ZMAT4: variants seen among roughly 807,000 people sequenced by gnomAD.
The protein encoded by ZMAT4 is zinc finger matrin-type protein 4.
Under a neutral mutation model 28.7 loss-of-function variants are expected in ZMAT4, and 17 were observed. The observed-to-expected ratio is 0.59, with a 90% CI of 0.41 to 0.89. ZMAT4 has a LOEUF of 0.89. Ranked by LOEUF, ZMAT4 falls within the 40% of genes least tolerant of loss-of-function variation. The pLI, the probability that ZMAT4 is intolerant of heterozygous loss-of-function variation, is 0.00. For synonymous variants in ZMAT4, 117 were observed against 109.2 expected, an observed-to-expected ratio of 1.07 and a Z score of -0.44; for missense variants, 240 against 283.8, an observed-to-expected ratio of 0.85 and a Z score of 1.11.
chr8:40,891,013 T>C (rs993297873), intron 1 of ZMAT4, among the ~76,000 whole-genome samples: 1 of 151,386 alleles, frequency 6.6e-6, no homozygotes, highest in Admixed American at 6.6e-5. Flanking sequence ...CACCTGACTA[T>C]ATTCCAGTAA....
intron 1 of ZMAT4, among the ~76,000 whole-genome samples, chr8:40,875,511 C>A (rs1489885525): frequency 6.6e-6 from 1 of 152,156 alleles, no homozygotes; most frequent in African/African-American, 2.4e-5. Context: ...CCCCTACCAT[C>A]TTGGCAACAA....
chr8:40,801,191 T>C (rs184190311), intron 2 of ZMAT4, among the ~76,000 whole-genome samples: 22 of 151,570 alleles, frequency 1.5e-4, no homozygotes, highest in African/African-American at 5.1e-4. Flanking sequence ...ATAATGTTAA[T>C]AGGCCTATAT....
At chr8:40,730,345 A>G (rs1486202640) in intron 3 of ZMAT4, among the ~76,000 whole-genome samples, 4 of 152,248 alleles carry the variant, frequency 2.6e-5, no homozygotes, top group Non-Finnish European at 4.4e-5. Context: ...AAAATACATA[A>G]CAGGAAAACT....
In ZMAT4 at chr8:40,614,198, T is replaced by C. The variant is rs573475022; in HGVS notation, c.578-32937A>G. 3.3e-5 allele frequency among the ~76,000 whole-genome samples: 5 copies of C among 152,360 alleles called. No individual in the cohort carries two copies. In the East Asian group the frequency reaches 5.8e-4, roughly 18 times the overall value. ...CCTTGCAAAGGAAGTGTCAGCATTT[T>C]AATCTTTGCCTCAAGCTCTCTTTTC... On this transcript the variant is annotated intron_variant, in intron 5 of 6. Coordinates refer to ENST00000297737, the MANE Select transcript of ZMAT4 (RefSeq NM_024645.3).
intron 5 of ZMAT4, among the ~76,000 whole-genome samples, chr8:40,620,558 A>G (rs2118689218): frequency 6.6e-6 from 1 of 152,328 alleles, no homozygotes; most frequent in East Asian, 1.9e-4. Flanking sequence ...AAGAGAGACC[A>G]TTGTCAGATT....
intron 3 of ZMAT4, among the ~76,000 whole-genome samples, chr8:40,733,703 G>A (rs1811640096): frequency 6.6e-6 from 1 of 152,148 alleles, no homozygotes; most frequent in Non-Finnish European, 1.5e-5. Flanking sequence ...AACTATTATA[G>A]GTGGGATCCA....
intron 1 of ZMAT4, among the ~76,000 whole-genome samples, chr8:40,858,141 T>C (rs1817361593): frequency 6.6e-6 from 1 of 152,186 alleles, no homozygotes; most frequent in African/African-American, 2.4e-5. Flanking sequence ...TCGTATGCTT[T>C]AAAATAGACC....
At chr8:40,836,724 G>T (rs558224277) in intron 1 of ZMAT4, among the ~76,000 whole-genome samples, 2 of 152,332 alleles carry the variant, frequency 1.3e-5, no homozygotes, top group Admixed American at 6.5e-5. Flanking sequence ...GTTTGGCAGA[G>T]AAATGAGGAC....
intron 1 of ZMAT4, among the ~76,000 whole-genome samples, chr8:40,890,195 G>C (rs907989733): frequency 6.6e-6 from 1 of 151,954 alleles, no homozygotes; most frequent in Non-Finnish European, 1.5e-5. Flanking sequence ...AACACTTTTT[G>C]AAAAAGAGAA....
At chr8:40,825,784 T>C (rs1816013671) in intron 1 of ZMAT4, 104 bp from the exon 2 acceptor site, 3 of 847,114 alleles carry the variant, frequency 3.5e-6, no homozygotes, top group East Asian at 5.5e-5. Flanking sequence ...GGTCTGACAA[T>C]GGTGACAGAG....
chr8:40,740,902 T>G (rs961412234), intron 3 of ZMAT4, among the ~76,000 whole-genome samples: 8 of 152,154 alleles, frequency 5.3e-5, no homozygotes, highest in African/African-American at 1.9e-4. Context: ...CCCTCTAATC[T>G]ACTTTATACA....
At chr8:40,668,841 A>T (rs936361665) in intron 5 of ZMAT4, among the ~76,000 whole-genome samples, 3 of 151,396 alleles carry the variant, frequency 2.0e-5, no homozygotes, top group African/African-American at 7.3e-5. Context: ...CCCTGAAATT[A>T]GGAAGTACCT....
At chr8:40,570,364 A>G (rs1804056295) in intron 6 of ZMAT4, among the ~76,000 whole-genome samples, 1 of 152,168 alleles carries the variant, frequency 6.6e-6, no homozygotes, top group Non-Finnish European at 1.5e-5. Context: ...AAATCTGTGC[A>G]TAGCACTGTA....
At chr8:40,791,017 G>A (rs189483940) in intron 2 of ZMAT4, among the ~76,000 whole-genome samples, 29 of 152,250 alleles carry the variant, frequency 1.9e-4, no homozygotes, top group Admixed American at 3.9e-4. Context: ...AAGAAGCAAA[G>A]GTAATTCAAT....
chr8:40,697,678 T>G (rs1182373522), intron 3 of ZMAT4, among the ~76,000 whole-genome samples: 1 of 152,078 alleles, frequency 6.6e-6, no homozygotes, highest in Non-Finnish European at 1.5e-5. Context: ...TCATCTACAT[T>G]AGGTATTTCT....
intron 3 of ZMAT4, among the ~76,000 whole-genome samples, chr8:40,699,629 T>C (rs543772847): frequency 2.4e-5 from 3 of 126,826 alleles, no homozygotes; most frequent in African/African-American, 8.4e-5. Flanking sequence ...CACCATGGAA[T>C]ACTACTCAGC....
At chr8:40,708,869 G>A (rs1364932707) in intron 3 of ZMAT4, among the ~76,000 whole-genome samples, 1 of 151,140 alleles carries the variant, frequency 6.6e-6, no homozygotes, top group Admixed American at 6.6e-5. Flanking sequence ...GGCTAGTCTC[G>A]AGCCCTCAAC....
intron 5 of ZMAT4, among the ~76,000 whole-genome samples, chr8:40,617,030 AT>A (rs1806032896): frequency 6.6e-6 from 1 of 152,172 alleles, no homozygotes. Context: ...TCAAGAAAAA[AT>A]ATCTCAGCTA....
chr8:40,680,853 T>C (rs901347425), intron 4 of ZMAT4, among the ~76,000 whole-genome samples: 3 of 152,132 alleles, frequency 2.0e-5, no homozygotes, highest in Non-Finnish European at 2.9e-5. Context: ...GCTTAATGCT[T>C]TCTAGGCTTT....
Sources: gnomAD v4.1 joint callset for allele counts (sites outside exome capture counted in the v4.1 genomes callset) on GRCh38, gnomAD v4.1.1 for gene constraint, MANE v1.5 for transcripts, NCBI Gene and HGNC (gene_info 2026-07-23, HGNC 2026-07-21) for gene names.